The following RNLS variants were observed in gnomAD, a reference collection of about 807,000 sequenced individuals.
RNLS encodes the protein renalase, FAD dependent amine oxidase.
Under a neutral mutation model 39.8 loss-of-function variants are expected in RNLS, and 39 were observed. That is an observed-to-expected ratio of 0.98 (90% CI 0.76 to 1.28). The LOEUF is 1.28. Ranked by LOEUF, RNLS falls within the 50% of genes most tolerant of loss-of-function variation. The pLI, the probability that RNLS is intolerant of heterozygous loss-of-function variation, is 0.00. For missense variants in RNLS, 410 were observed against 413.3 expected, an observed-to-expected ratio of 0.99 and a Z score of 0.07; for synonymous variants, 147 against 150.7, an observed-to-expected ratio of 0.98 and a Z score of 0.18.
chr10:88,253,154 C>T, the RNLS span, among the ~76,000 whole-genome samples: 3 of 152,084 alleles, frequency 2.0e-5, no homozygotes, highest in Admixed American at 6.6e-5. Flanking sequence ...CTTTGTAGAG[C>T]GGGTTGTGGA....
intron 6 of RNLS, among the ~76,000 whole-genome samples, chr10:88,290,924 T>G (rs1843628017): frequency 6.6e-6 from 1 of 152,210 alleles, no homozygotes; most frequent in African/African-American, 2.4e-5. Flanking sequence ...AAGAAAGGTT[T>G]TCAGACAGCA....
At position 88,418,332 on chromosome 10, in the gene RNLS, T is replaced by C. The variant is rs184158007; in HGVS notation, c.527-55607A>G. Among the ~76,000 whole-genome samples the C allele has an allele frequency of 3.4e-3, 514 of 152,304 alleles. 1 individual carries two copies. The highest frequency in any genetic ancestry group is 4.6e-3 in the Non-Finnish European group (312 of 68,030). On this transcript the variant is annotated intron_variant, in intron 4 of 6. Coordinates refer to ENST00000331772, the MANE Select transcript of RNLS (RefSeq NM_001031709.3). ...AATGACTTTTCCTCAGTCACTCAGA[T>C]GTATGTGGCCCATTTGAAACTTGGA...
chr10:88,498,348 A>G (rs1262202941), intron 4 of RNLS, among the ~76,000 whole-genome samples: 2 of 151,868 alleles, frequency 1.3e-5, no homozygotes, highest in African/African-American at 4.8e-5. Context: ...TTTGGATTAA[A>G]ACTTTCTGGT....
At chr10:88,581,482 T>G (rs1277443528) in intron 3 of RNLS, 85 bp downstream of exon 3, 1 of 1,159,930 alleles carries the variant, frequency 8.6e-7, no homozygotes, top group Admixed American at 2.7e-5. Flanking sequence ...TATAATTTCC[T>G]GTATAGTATT....
At chr10:88,431,234 T>C (rs1198531321) in intron 4 of RNLS, among the ~76,000 whole-genome samples, 1 of 151,704 alleles carries the variant, frequency 6.6e-6, no homozygotes, top group East Asian at 1.9e-4. Context: ...GTCCATTTCA[T>C]CTAAATGTCA....
At chr10:88,229,260 C>A in the RNLS span, among the ~76,000 whole-genome samples, 2 of 152,308 alleles carry the variant, frequency 1.3e-5, no homozygotes, top group Non-Finnish European at 2.9e-5. Context: ...ATTATCTCAA[C>A]TAGTGAGAAG....
At chr10:88,545,128 G>A (rs1453159609) in intron 4 of RNLS, among the ~76,000 whole-genome samples, 6 of 152,142 alleles carry the variant, frequency 3.9e-5, no homozygotes, top group South Asian at 2.1e-4. Context: ...TTCTTAGCTG[G>A]AGCGATTCTT....
chr10:88,385,293 T>A (rs1851792511), intron 4 of RNLS, among the ~76,000 whole-genome samples: 1 of 152,192 alleles, frequency 6.6e-6, no homozygotes, highest in African/African-American at 2.4e-5. Context: ...AAATTTGAAT[T>A]TCAGGTAAAC....
At chr10:88,256,663 T>C in the RNLS span, among the ~76,000 whole-genome samples, 19 of 152,204 alleles carry the variant, frequency 1.2e-4, no homozygotes, top group Non-Finnish European at 1.0e-4. Flanking sequence ...GGTGCTACAC[T>C]TAGCCTTAAT....
chr10:88,522,946 G>T (rs1443687360), intron 4 of RNLS, among the ~76,000 whole-genome samples: 2 of 152,070 alleles, frequency 1.3e-5, no homozygotes, highest in Non-Finnish European at 2.9e-5. Flanking sequence ...GAACTTCCTG[G>T]CTGCAGGAGC....
chr10:88,397,931 T>A (rs918452435), intron 4 of RNLS, among the ~76,000 whole-genome samples: 2 of 151,998 alleles, frequency 1.3e-5, no homozygotes, highest in Admixed American at 1.3e-4. Context: ...AATAAACCCA[T>A]ATATCTATAG....
At chr10:88,402,661 T>C (rs934437864) in intron 4 of RNLS, among the ~76,000 whole-genome samples, 18 of 152,038 alleles carry the variant, frequency 1.2e-4, no homozygotes, top group African/African-American at 4.1e-4. Context: ...ACTTTATATC[T>C]AGCCCAAATG....
intron 6 of RNLS, among the ~76,000 whole-genome samples, chr10:88,309,165 A>G (rs1249148080): frequency 1.3e-5 from 2 of 152,264 alleles, no homozygotes; most frequent in East Asian, 3.9e-4. Context: ...GATCAGGAGA[A>G]ATAATGGGTA....
chr10:88,228,979 C>T, the RNLS span, among the ~76,000 whole-genome samples: 1 of 152,170 alleles, frequency 6.6e-6, no homozygotes, highest in African/African-American at 2.4e-5. Context: ...TGGGCTTCAG[C>T]CTTCAGCTCT....
At chr10:88,379,910 T>C (rs1314853065) in intron 4 of RNLS, among the ~76,000 whole-genome samples, 1 of 152,192 alleles carries the variant, frequency 6.6e-6, no homozygotes, top group African/African-American at 2.4e-5. Flanking sequence ...AGATGGCTCC[T>C]GAAGGTATCA....
chr10:88,387,266 G>C (rs1310906680), intron 4 of RNLS, among the ~76,000 whole-genome samples: 4 of 152,154 alleles, frequency 2.6e-5, no homozygotes, highest in Non-Finnish European at 4.4e-5. Flanking sequence ...GACAGAGAAT[G>C]AACTAGCGGA....
intron 5 of RNLS, 136 bp from the exon 6 acceptor site, chr10:88,314,777 A>G: frequency 2.8e-6 from 2 of 702,762 alleles, no homozygotes; most frequent in Middle Eastern, 2.9e-4. Context: ...TCTAATCTCT[A>G]AAGCATAAAT....
chr10:88,335,154 A>G (rs2133186572), intron 5 of RNLS, among the ~76,000 whole-genome samples: 1 of 152,168 alleles, frequency 6.6e-6, no homozygotes, highest in Admixed American at 6.5e-5. Flanking sequence ...ATAAGCTTCC[A>G]TAATAAAGAA....
chr10:88,531,309 GAA>G (rs1323737268), intron 4 of RNLS, among the ~76,000 whole-genome samples: 2 of 126,820 alleles, frequency 1.6e-5, no homozygotes, highest in Non-Finnish European at 1.7e-5. Context: ...TTGAAGTACT[GAA>G]AAAAAAAAAA....
Sources: allele counts gnomAD v4.1 joint callset (sites outside exome capture counted in the v4.1 genomes callset), GRCh38; gene constraint gnomAD v4.1.1; transcripts MANE v1.5; gene names NCBI Gene and HGNC (gene_info 2026-07-23, HGNC 2026-07-21).